The following IMPG2 variants were observed in gnomAD, a reference collection of about 807,000 sequenced individuals.
IMPG2 encodes interphotoreceptor matrix proteoglycan 2.
A neutral mutation model predicts 129.2 loss-of-function variants in IMPG2; 91 were observed. That is an observed-to-expected ratio of 0.70 (90% CI 0.59 to 0.84). The LOEUF is 0.84. Among genes scored for constraint, IMPG2 ranks in the 40% least tolerant of loss-of-function variants. The pLI, the probability that IMPG2 is intolerant of heterozygous loss-of-function variation, is 0.00. For missense variants in IMPG2, 1,430 were observed against 1,461.7 expected (o/e 0.98, Z 0.35); for synonymous variants, 510 against 517.7 (o/e 0.99, Z 0.20).
In IMPG2 at chr3:101,270,426, A is replaced by G. The variant is rs114239636; in HGVS notation, c.829-853T>C. ...GGTAACTCCGCTGGTCAAAAGACCA[A>G]TTCATGAGCATCACATTTGCAGGAG... On this transcript the variant is annotated intron_variant, in intron 7 of 18. Transcript: ENST00000193391. Among the ~76,000 whole-genome samples the G allele has an allele frequency of 5.5e-3, 843 of 152,300 alleles. 10 individuals carry two copies. Among genetic ancestry groups the G allele is most frequent in the African/African-American group, 0.02 (816 of 41,546 alleles).
At chr3:101,241,782 C>T (rs573206602) in intron 14 of IMPG2, among the ~76,000 whole-genome samples, 4 of 152,194 alleles carry the variant, frequency 2.6e-5, no homozygotes, top group African/African-American at 9.6e-5. Context: ...AATCCCAGCA[C>T]TTTGGGAGGC....
chr3:101,227,273 C>T (rs1706235102), intron 18 of IMPG2, among the ~76,000 whole-genome samples: 1 of 152,180 alleles, frequency 6.6e-6, no homozygotes, highest in Non-Finnish European at 1.5e-5. Context: ...GGATTACATG[C>T]CTGACATCTT....
chr3:101,309,792 A>G (rs1467264312), intron 2 of IMPG2, among the ~76,000 whole-genome samples: 2 of 152,248 alleles, frequency 1.3e-5, no homozygotes, highest in Non-Finnish European at 2.9e-5. Flanking sequence ...TAACTTAAAA[A>G]TGAAAACAAC....
At chr3:101,269,489 G>A (rs1226923313) in intron 8 of IMPG2, 26 bp downstream of exon 8, 3 of 1,300,098 alleles carry the variant, frequency 2.3e-6, no homozygotes, top group Non-Finnish European at 3.4e-6. Context: ...TACTGAAAAT[G>A]TGCATATTTA....
chr3:101,307,315 A>AAT (rs1176707242), intron 2 of IMPG2, among the ~76,000 whole-genome samples: 1 of 152,212 alleles, frequency 6.6e-6, no homozygotes, highest in Non-Finnish European at 1.5e-5. Context: ...AATAAATGTT[A>AAT]ATTGTTTCTT....
chr3:101,309,808 TATCC>T (rs1707241461), intron 2 of IMPG2, among the ~76,000 whole-genome samples: 1 of 152,146 alleles, frequency 6.6e-6, no homozygotes, highest in Non-Finnish European at 1.5e-5. Flanking sequence ...ACAACCCAAG[TATCC>T]ATCAATAGAA....
At chr3:101,255,514 C>T (rs1026413846) in intron 10 of IMPG2, among the ~76,000 whole-genome samples, 2 of 152,116 alleles carry the variant, frequency 1.3e-5, no homozygotes, top group South Asian at 2.1e-4. Context: ...TTAATCTTCA[C>T]GCCATTCTCC....
chr3:101,314,973 G>A (rs1373661984), intron 2 of IMPG2, among the ~76,000 whole-genome samples: 1 of 152,010 alleles, frequency 6.6e-6, no homozygotes, highest in Non-Finnish European at 1.5e-5. Flanking sequence ...TCAAAATGCA[G>A]GCTCACTAGA....
Position 101,302,346 on chromosome 3 carries a change from G to T in IMPG2, c.501+1800C>A, listed in dbSNP as rs73156088. Among the ~76,000 whole-genome samples the T allele has an allele frequency of 4.6e-3, 693 of 152,170 alleles. 1 individual carries two copies. The highest frequency in any genetic ancestry group is 0.014 in the Middle Eastern group (4 of 294). Reference sequence around the variant, plus strand: ...CACTAATGGCTGATCCTATATTGCGGACATAATTAAGATAGGCAATGCAAT... The same window carrying T: ...CACTAATGGCTGATCCTATATTGCGTACATAATTAAGATAGGCAATGCAAT... On this transcript the variant is annotated intron_variant, in intron 3 of 18. Coordinates refer to ENST00000193391, the MANE Select transcript of IMPG2 (RefSeq NM_016247.4).
At chr3:101,240,767 G>T (rs965481623) in intron 14 of IMPG2, among the ~76,000 whole-genome samples, 12 of 152,184 alleles carry the variant, frequency 7.9e-5, no homozygotes, top group African/African-American at 2.9e-4. Flanking sequence ...GGATATGAAG[G>T]ATTAGTGAAA....
Position 101,244,626 on chromosome 3 carries a change from A to G in IMPG2, c.1705T>C (p.Leu569=), listed in dbSNP as rs375430813. 2.3e-5 allele frequency: 37 copies of G among 1,604,962 alleles called. No homozygotes were observed. The African/African-American group carries it at 4.3e-4, about 19-fold the overall frequency. The change falls in exon 13 of 19, where the codon TTG becomes CTG. Residue 569 remains leucine, a synonymous_variant. Coordinates refer to ENST00000193391, the MANE Select transcript of IMPG2 (RefSeq NM_016247.4). ...TTGACTTTGGAGGTCAAGGAGTCCA[A>G]GCCAAAAGGTATAGAAGAGGTCAGA... is the stretch of plus-strand genomic sequence containing the variant. ...PYLTSSIPFG[L]DSLTSKVKDQ... is the part of the protein sequence containing the mutation.
At chr3:101,254,027 T>G (rs1458100230) in intron 10 of IMPG2, among the ~76,000 whole-genome samples, 1 of 152,170 alleles carries the variant, frequency 6.6e-6, no homozygotes, top group African/African-American at 2.4e-5. Context: ...TTTAGGACAC[T>G]CCTCTATTAC....
At chr3:101,229,300 A>ACCCCCCCCCCCCCCCCCCCCT in intron 17 of IMPG2, 80 bp downstream of exon 17, 1 of 859,118 alleles carries the variant, frequency 1.2e-6, no homozygotes, top group Admixed American at 1.8e-5. Flanking sequence ...ACTCATACAC[A>ACCCCCCCCCCCCCCCCCCCCT]CCCCCACCCA....
In IMPG2 at chr3:101,223,619, T is replaced by C. The variant is rs767537301; in HGVS notation, c.*3350A>G. On this transcript the variant is annotated 3_prime_UTR_variant, in exon 19 of 19. Coordinates refer to ENST00000193391, the MANE Select transcript of IMPG2 (RefSeq NM_016247.4). ...TTCAGGTATCATACTTCAGCCAACCTACTTTTAGAGCCTACAAAGAATATT... is the reference window on the plus strand; with the variant it reads ...TTCAGGTATCATACTTCAGCCAACCCACTTTTAGAGCCTACAAAGAATATT... 3.9e-5 allele frequency: 6 copies of C among 152,230 alleles called. No individual in the cohort carries two copies. Among genetic ancestry groups the C allele is most frequent in the Non-Finnish European group, 8.8e-5 (6 of 68,042 alleles). The allele number at this position is 152,230 out of a possible 1,614,324, so 9.4% of individuals were successfully genotyped here.
rs1342024508 is a variant in IMPG2 at position 101,223,956 on chromosome 3, T to C, written c.*3013A>G. 1.3e-5 allele frequency: 2 copies of C among 152,146 alleles called. 1 individual carries two copies. Among genetic ancestry groups the C allele is most frequent in the Non-Finnish European group, 2.9e-5 (2 of 68,042 alleles). 9.4% of individuals were successfully genotyped at this position (152,146 alleles called of 1,614,324 possible). On this transcript the variant is annotated 3_prime_UTR_variant, in exon 19 of 19. Transcript: ENST00000193391. ...GAGTTTGAGACCAGGCTGGCCAACATGGTGACGGTGAAACCCCATCTCTAC... is the reference window on the plus strand; with the variant it reads ...GAGTTTGAGACCAGGCTGGCCAACACGGTGACGGTGAAACCCCATCTCTAC...
chr3:101,243,670 T>C lies in IMPG2; in HGVS notation c.2661A>G (p.Gly887=). The C allele has an allele frequency of 6.2e-7, 1 of 1,614,060 alleles. No homozygotes were observed. Among genetic ancestry groups the C allele is most frequent in the South Asian group, 1.1e-5 (1 of 91,080 alleles). The change falls in exon 13 of 19, where the codon GGA becomes GGG. Residue 887 remains glycine, a synonymous_variant. Coordinates refer to ENST00000193391, the MANE Select transcript of IMPG2 (RefSeq NM_016247.4). ...MVSVAWPTEG[G]DDLSYTQTSG... is the part of the protein sequence containing the mutation. ...AAGTCTGGGTATAACTCAAGTCATCTCCTCCTTCTGTGGGCCAAGCCACAC... is the reference window on the plus strand; with the variant it reads ...AAGTCTGGGTATAACTCAAGTCATCCCCTCCTTCTGTGGGCCAAGCCACAC...
chr3:101,277,399 T>C (rs1706849898), intron 4 of IMPG2, among the ~76,000 whole-genome samples: 1 of 152,216 alleles, frequency 6.6e-6, no homozygotes. Flanking sequence ...TAGAAGGTAC[T>C]TGGCATATAA....
intron 4 of IMPG2, among the ~76,000 whole-genome samples, chr3:101,290,070 C>T (rs1241773708): frequency 1.3e-5 from 2 of 151,840 alleles, no homozygotes; most frequent in Admixed American, 6.6e-5. Context: ...GTTAATCGAG[C>T]CAATAGACTG....
chr3:101,308,418 T>A (rs1214810945), intron 2 of IMPG2, among the ~76,000 whole-genome samples: 2 of 152,272 alleles, frequency 1.3e-5, no homozygotes, highest in Non-Finnish European at 2.9e-5. Context: ...AAGGTTCTCA[T>A]ACCTCAATTC....
Sources: allele counts gnomAD v4.1 joint callset (sites outside exome capture counted in the v4.1 genomes callset), GRCh38; gene constraint gnomAD v4.1.1; transcripts MANE v1.5; gene names NCBI Gene and HGNC (gene_info 2026-07-23, HGNC 2026-07-21).